Variants in DNAH5 observed in about 807,000 individuals in gnomAD.
DNAH5 encodes the protein dynein axonemal heavy chain 5, also known as axonemal beta dynein heavy chain 5.
A neutral mutation model predicts 518.2 loss-of-function variants in DNAH5; 372 were observed. The ratio of observed to expected loss-of-function variants is 0.72; its 90% CI spans 0.66 to 0.78. The LOEUF is 0.78. DNAH5 is among the 30% of genes least tolerant of loss of function. The pLI is 0.00. For missense variants in DNAH5, 5,523 were observed against 5,687.0 expected, an observed-to-expected ratio of 0.97 and a Z score of 0.93; for synonymous variants, 2,039 against 2,025.9, an observed-to-expected ratio of 1.01 and a Z score of -0.17.
At chr5:13,766,233 C>A in intron 58 of DNAH5, 54 bp from the exon 59 acceptor site, 1 of 1,588,282 alleles carries the variant, frequency 6.3e-7, no homozygotes, top group Non-Finnish European at 8.6e-7. Flanking sequence ...CACAGACAAG[C>A]AAACCTTGCA....
intron 3 of DNAH5, 32 bp downstream of exon 3, chr5:13,928,062 T>C: frequency 6.6e-7 from 1 of 1,525,126 alleles, no homozygotes; most frequent in Non-Finnish European, 9.1e-7. Context: ...TAATAACACA[T>C]TTCTGGGTTA....
At chr5:13,715,007 T>C (rs1744104120) in intron 74 of DNAH5, among the ~76,000 whole-genome samples, 1 of 152,152 alleles carries the variant, frequency 6.6e-6, no homozygotes, top group Non-Finnish European at 1.5e-5. Flanking sequence ...GTTTAGAAGA[T>C]ACCAGGAAAT....
chr5:13,932,834 G>A (rs1226892933), intron 1 of DNAH5, among the ~76,000 whole-genome samples: 1 of 152,238 alleles, frequency 6.6e-6, no homozygotes, highest in African/African-American at 2.4e-5. Context: ...TTTTGGATGT[G>A]TAAGATTTTG....
intron 43 of DNAH5, among the ~76,000 whole-genome samples, chr5:13,814,294 G>A (rs572134559): frequency 1.3e-5 from 2 of 152,124 alleles, no homozygotes; most frequent in African/African-American, 4.8e-5. Context: ...TCCCCAGATT[G>A]ATCAAATTAA....
intron 47 of DNAH5, among the ~76,000 whole-genome samples, chr5:13,804,181 GTA>G (rs1267925777): frequency 9.9e-5 from 15 of 152,150 alleles, no homozygotes; most frequent in Non-Finnish European, 1.8e-4. Context: ...TGGAGTGACT[GTA>G]TAATTTTTGT....
chr5:13,961,123 A>G (rs1048983414), intron 1 of DNAH5, among the ~76,000 whole-genome samples: 1 of 152,200 alleles, frequency 6.6e-6, no homozygotes, highest in South Asian at 2.1e-4. Flanking sequence ...TCTTTGCTGA[A>G]TAAGTTTTTC....
chr5:13,739,243 CA>C (rs767866596), intron 65 of DNAH5, among the ~76,000 whole-genome samples: 8 of 152,200 alleles, frequency 5.3e-5, no homozygotes, highest in Non-Finnish European at 8.8e-5. Flanking sequence ...CCACAATCCC[CA>C]AGTGTCAAGG....
In DNAH5 at chr5:13,871,752, G is replaced by C; in HGVS notation, c.3410C>G (p.Ser1137Cys). ...ATTGTAGCGTTTGAAGCAATCCATG[G>C]ATGTAATAACTTCCTGAATGCAAAT... is the stretch of plus-strand genomic sequence containing the variant. Reference protein sequence around the residue: ...INSTKKEVITSMDCFKRYNHI... With the variant: ...INSTKKEVITCMDCFKRYNHI... Residue 1137 changes from serine (S) to cysteine (C), a missense_variant, in exon 23 of 79, where the codon TCC becomes TGC. By Grantham distance (112) the Ser-to-Cys change is moderately radical. This residue lies in a region of DNAH5 where 5,121 missense variants were observed against 5,223.3 expected (regional missense o/e 0.98). Coordinates refer to ENST00000265104, the MANE Select transcript of DNAH5 (RefSeq NM_001369.3). The C allele has an allele frequency of 6.2e-7, 1 of 1,613,534 alleles. No individual in the cohort carries two copies. Among genetic ancestry groups the C allele is most frequent in the Non-Finnish European group, 8.5e-7 (1 of 1,179,628 alleles).
Position 13,810,244 on chromosome 5 carries a change from A to C in DNAH5, c.7424T>G (p.Val2475Gly). Reference protein sequence around the residue: ...LIPLKEQGGEVSQAHLGRLFV... With the variant: ...LIPLKEQGGEGSQAHLGRLFV... Reference sequence around the variant, plus strand: ...CAGCCGCCCCAGGTGAGCCTGGCTCACCTCCCCGCCTTGCTCCTGAGAAGG... The same window carrying C: ...CAGCCGCCCCAGGTGAGCCTGGCTCCCCTCCCCGCCTTGCTCCTGAGAAGG... The change falls in exon 45 of 79, where the codon GTG becomes GGG. Residue 2475 changes from valine (V) to glycine (G), a missense_variant. By Grantham distance (109) the Val-to-Gly change is moderately radical. This residue lies in a region of DNAH5 where 5,121 missense variants were observed against 5,223.3 expected (regional missense o/e 0.98). Coordinates refer to ENST00000265104, the MANE Select transcript of DNAH5 (RefSeq NM_001369.3). 1.3e-6 allele frequency: 2 copies of C among 1,550,068 alleles called. No individual in the cohort carries two copies. Among genetic ancestry groups the C allele is most frequent in the Non-Finnish European group, 1.7e-6 (2 of 1,146,792 alleles).
In DNAH5 at chr5:13,778,694, C is replaced by G. The variant is rs534359687; in HGVS notation, c.8952-1339G>C. ...ATTTTCAACCCGATCTCTTGGATCT[C>G]AAGGGCCCATTGCCTCAAATAATAT... On this transcript the variant is annotated intron_variant, in intron 53 of 78. Transcript: ENST00000265104. Among the ~76,000 whole-genome samples, 12 of 152,292 alleles carry G rather than the reference C, an allele frequency of 7.9e-5. No homozygotes were observed. In the East Asian group the frequency reaches 1.7e-3, roughly 22 times the overall value.
intron 55 of DNAH5, among the ~76,000 whole-genome samples, chr5:13,774,021 C>G (rs1325785694): frequency 6.6e-6 from 1 of 152,058 alleles, no homozygotes; most frequent in African/African-American, 2.4e-5. Context: ...CTCTTCCCAG[C>G]ACGAAGGCCT....
intron 1 of DNAH5, among the ~76,000 whole-genome samples, chr5:13,971,808 G>A (rs1190618497): frequency 1.3e-5 from 2 of 152,146 alleles, no homozygotes; most frequent in Non-Finnish European, 2.9e-5. Context: ...AGTATAGGGA[G>A]GATACAAGCT....
At chr5:13,727,731 A>G in intron 69 of DNAH5, 75 bp from the exon 70 acceptor site, 9 of 1,523,440 alleles carry the variant, frequency 5.9e-6, no homozygotes, top group Non-Finnish European at 7.3e-6. Context: ...GATATGTTTC[A>G]TCAAACCTCT....
chr5:13,853,009 C>T (rs1580592328), intron 30 of DNAH5, among the ~76,000 whole-genome samples: 2 of 152,354 alleles, frequency 1.3e-5, no homozygotes, highest in Admixed American at 6.5e-5. Context: ...CAGCACAGGG[C>T]TCGAGCTCTG....
chr5:13,990,211 G>A (rs1783424111), intron 1 of DNAH5, among the ~76,000 whole-genome samples: 1 of 152,166 alleles, frequency 6.6e-6, no homozygotes, highest in Non-Finnish European at 1.5e-5. Context: ...GGATAGGGAA[G>A]AGACTCACAA....
intron 1 of DNAH5, among the ~76,000 whole-genome samples, chr5:14,002,239 A>G (rs1289336698): frequency 6.6e-6 from 1 of 152,198 alleles, no homozygotes; most frequent in Non-Finnish European, 1.5e-5. Flanking sequence ...TACTGAAAAA[A>G]ATCAGTTAGA....
chr5:13,980,532 T>A (rs948143632), intron 1 of DNAH5, among the ~76,000 whole-genome samples: 2 of 151,784 alleles, frequency 1.3e-5, no homozygotes, highest in Non-Finnish European at 2.9e-5. Flanking sequence ...CTTTCTCTCA[T>A]CCCCCTTCAC....
rs138838869 is a variant in DNAH5 at position 13,737,407 on chromosome 5, C to T, written c.11300G>A (p.Arg3767His). The change falls in exon 66 of 79, where the codon CGC becomes CAC. Residue 3767 changes from arginine (R) to histidine (H), a missense_variant. Around this residue, in one of 3 missense-constraint regions of DNAH5, gnomAD observed 5,121 missense variants for 5,223.3 expected, o/e 0.98. Coordinates refer to ENST00000265104, the MANE Select transcript of DNAH5 (RefSeq NM_001369.3). The part of the protein sequence containing the change: ...MKELEDNLLY[R>H]LTSTQGSLVE... ...CAGGGACCCCTGGGTACTTGTCAGG[C>T]GGTAAAGCAAGTTATCTTCTAGTTC... 113 of 1,614,132 alleles carry T rather than the reference C, an allele frequency of 7.0e-5. No homozygotes were observed. Among genetic ancestry groups the T allele is most frequent in the South Asian group, 1.2e-4 (11 of 91,088 alleles).
chr5:13,768,964 A>C lies in DNAH5; in HGVS notation c.9893T>G (p.Leu3298Trp). ...KPALEEAEAA[L>W]QTIRPSDIAT... ...TGTTATATCACATAGATGCACCTGC[A>C]ATGCAGCTTCTGCCTCTTCTAAAGC... The change falls in exon 58 of 79, where the codon TTG (leucine) becomes TGG (tryptophan). Residue 3298 changes from leucine to tryptophan, a missense_variant. By Grantham distance (61) the Leu-to-Trp change is moderately conservative. Coordinates refer to ENST00000265104, the MANE Select transcript of DNAH5 (RefSeq NM_001369.3). The C allele has an allele frequency of 6.2e-7, 1 of 1,614,174 alleles. No homozygotes were observed. Among genetic ancestry groups the C allele is most frequent in the South Asian group, 1.1e-5 (1 of 91,088 alleles).
Sources: gnomAD v4.1 joint callset for allele counts (sites outside exome capture counted in the v4.1 genomes callset) on GRCh38, gnomAD v4.1.1 for gene constraint, gnomAD v4.1.1 regional missense constraint, MANE v1.5 for transcripts, NCBI Gene and HGNC (gene_info 2026-07-23, HGNC 2026-07-21) for gene names.